The following WDR41 variants were observed in gnomAD, a reference collection of about 807,000 sequenced individuals.
The protein encoded by WDR41 is WD repeat-containing protein 41.
In WDR41, 63 loss-of-function variants were observed where a neutral mutation model predicts 69.3. That is an observed-to-expected ratio of 0.91 (90% CI 0.74 to 1.12). WDR41 has a LOEUF of 1.12. Ranked by LOEUF, WDR41 falls within the 50% of genes most tolerant of loss-of-function variation. WDR41 has a pLI of 0.00. For synonymous variants in WDR41, 185 were observed against 192.1 expected (o/e 0.96, Z 0.31); for missense variants, 543 against 534.5 (o/e 1.02, Z -0.16).
intron 8 of WDR41, among the ~76,000 whole-genome samples, chr5:77,443,014 A>G (rs1033588846): frequency 6.6e-6 from 1 of 151,904 alleles, no homozygotes; most frequent in Non-Finnish European, 1.5e-5. Context: ...AATTTATTTA[A>G]ATTATTACAT....
chr5:77,607,897 G>A (rs1407872804), intron 1 of WDR41, among the ~76,000 whole-genome samples: 3 of 152,096 alleles, frequency 2.0e-5, no homozygotes, highest in Admixed American at 1.3e-4. Flanking sequence ...TCATTTAAAT[G>A]TACTCCAATC....
chr5:77,452,001 A>G lies in WDR41; in HGVS notation c.524-648T>C, dbSNP rs1371208431. The G allele has an allele frequency of 2.9e-5, 4 of 137,404 alleles. No individual in the cohort carries two copies. The South Asian group carries it at 7.2e-4, about 25-fold the overall frequency. 8.5% of individuals were successfully genotyped at this position (137,404 alleles called of 1,614,324 possible). A position where few individuals can be genotyped will look rare whatever the true frequency, so the allele number is the denominator to read the frequency against. ...ATGAATAAAAGAGTTGATAAATTAG[A>G]ACCACCACGTGTTGGCAAAAAAAAA... On this transcript the variant is annotated intron_variant, in intron 6 of 12. Transcript: ENST00000296679.
chr5:77,536,511 A>G (rs1307818284), intron 1 of WDR41, among the ~76,000 whole-genome samples: 1 of 152,180 alleles, frequency 6.6e-6, no homozygotes, highest in Admixed American at 6.5e-5. Context: ...GAGGAAAAAA[A>G]GACATCACCA....
At chr5:77,519,151 G>T (rs1802335224) in intron 1 of WDR41, among the ~76,000 whole-genome samples, 1 of 151,672 alleles carries the variant, frequency 6.6e-6, no homozygotes, top group African/African-American at 2.4e-5. Flanking sequence ...AATACAAAAA[G>T]GAAAATAATT....
intron 1 of WDR41, among the ~76,000 whole-genome samples, chr5:77,559,383 A>G: frequency 6.6e-6 from 1 of 152,278 alleles, no homozygotes; most frequent in South Asian, 2.1e-4. Context: ...TAAATTTTAA[A>G]TTACAAGTTT....
At chr5:77,465,321 G>GT (rs1186827049) in intron 2 of WDR41, among the ~76,000 whole-genome samples, 4 of 151,956 alleles carry the variant, frequency 2.6e-5, no homozygotes, top group Admixed American at 6.6e-5. Context: ...ATTTTTTAGG[G>GT]TTTTTTTGTT....
intron 1 of WDR41, among the ~76,000 whole-genome samples, chr5:77,536,259 G>C (rs1196528148): frequency 3.3e-5 from 5 of 152,022 alleles, no homozygotes; most frequent in African/African-American, 1.2e-4. Flanking sequence ...ATCCTACTGT[G>C]TGGAGTACTG....
chr5:77,453,665 G>A (rs986356683), intron 6 of WDR41, 152 bp downstream of exon 6: 19 of 617,316 alleles, frequency 3.1e-5, no homozygotes, highest in Middle Eastern at 3.0e-4. Context: ...ACACAACCCC[G>A]ATCTGAATTG....
At chr5:77,489,425 C>T (rs1002526840) in intron 2 of WDR41, 32 bp downstream of exon 2, 4 of 1,369,486 alleles carry the variant, frequency 2.9e-6, no homozygotes, top group Non-Finnish European at 4.0e-6. Context: ...TCTTCCCAAA[C>T]AATAGTCAAT....
At chr5:77,602,719 C>T (rs111941886) in intron 1 of WDR41, among the ~76,000 whole-genome samples, 1,739 of 152,196 alleles carry the variant, frequency 0.011, 13 homozygotes, top group Non-Finnish European at 0.02. Flanking sequence ...AACATGCAAG[C>T]GCAGGTATCC....
At chr5:77,594,186 G>A (rs966079150) in intron 1 of WDR41, among the ~76,000 whole-genome samples, 1 of 145,684 alleles carries the variant, frequency 6.9e-6, no homozygotes, top group East Asian at 2.0e-4. Context: ...AACACCGCAT[G>A]TTCTCACTCA....
At chr5:77,462,968 A>G (rs1057157340) in intron 4 of WDR41, 127 bp downstream of exon 4, 7 of 1,032,006 alleles carry the variant, frequency 6.8e-6, no homozygotes, top group Non-Finnish European at 9.5e-6. Flanking sequence ...TATAAGTAAC[A>G]GAACAAAAAT....
At chr5:77,452,908 C>A (rs1421667559) in intron 6 of WDR41, 1 of 152,022 alleles carries the variant, frequency 6.6e-6, no homozygotes, top group Non-Finnish European at 1.5e-5. Context: ...TCATGAAAAC[C>A]ACAGGCTAGT....
chr5:77,580,926 A>C (rs1743928670), intron 1 of WDR41, among the ~76,000 whole-genome samples: 1 of 152,036 alleles, frequency 6.6e-6, no homozygotes, highest in African/African-American at 2.4e-5. Flanking sequence ...ACTGCACTCC[A>C]GCCTGGGTGA....
At chr5:77,614,742 T>C (rs1744644244) in intron 1 of WDR41, among the ~76,000 whole-genome samples, 1 of 151,072 alleles carries the variant, frequency 6.6e-6, no homozygotes, top group African/African-American at 2.4e-5. Context: ...GGCACATGTA[T>C]ACATATGTAA....
upstream of WDR41, among the ~76,000 whole-genome samples, chr5:77,496,654 G>A (rs1218741174): frequency 6.6e-6 from 1 of 152,050 alleles, no homozygotes; most frequent in Non-Finnish European, 1.5e-5. Context: ...CTCTTGGATA[G>A]AAAGACAACA....
chr5:77,493,356 A>G (rs1801885211), upstream of WDR41, among the ~76,000 whole-genome samples: 2 of 152,240 alleles, frequency 1.3e-5, no homozygotes, highest in Admixed American at 1.3e-4. Flanking sequence ...CTAATGCATT[A>G]ATTCAGCAAA....
chr5:77,464,654 A>T, intron 3 of WDR41, 107 bp downstream of exon 3: 1 of 1,113,358 alleles, frequency 9.0e-7, no homozygotes, highest in Non-Finnish European at 1.3e-6. Flanking sequence ...TTAATGTGTC[A>T]ATTAACAGTG....
chr5:77,501,272 G>A (rs1336389691), intron 1 of WDR41, among the ~76,000 whole-genome samples: 1 of 152,258 alleles, frequency 6.6e-6, no homozygotes, highest in African/African-American at 2.4e-5. Flanking sequence ...CTTGCTCACT[G>A]CTAGTGTAGC....
Sources: gnomAD v4.1 joint callset for allele counts (sites outside exome capture counted in the v4.1 genomes callset) on GRCh38, gnomAD v4.1.1 for gene constraint, MANE v1.5 for transcripts, NCBI Gene and HGNC (gene_info 2026-07-23, HGNC 2026-07-21) for gene names.